Variants in LYST observed in about 807,000 individuals in gnomAD.
The protein encoded by LYST is lysosomal-trafficking regulator.
LYST carries 192 observed loss-of-function variants against 413.6 expected under a neutral mutation model. That is an observed-to-expected ratio of 0.46 (90% CI 0.41 to 0.52). LYST has a LOEUF of 0.52. LYST is among the 20% of genes least tolerant of loss of function. The pLI is 0.00. For synonymous variants in LYST, 1,525 were observed against 1,567.3 expected (o/e 0.97, Z 0.64); for missense variants, 3,815 against 4,499.9 (o/e 0.85, Z 4.35).
At chr1:235,793,418 T>G in intron 11 of LYST, 85 bp downstream of exon 11, 1 of 693,964 alleles carries the variant, frequency 1.4e-6, no homozygotes, top group Non-Finnish European at 2.5e-6. Flanking sequence ...TAGTAACATT[T>G]CTAAATAATT....
intron 3 of LYST, among the ~76,000 whole-genome samples, chr1:235,813,848 A>G (rs556163659): frequency 3.3e-5 from 5 of 152,318 alleles, no homozygotes; most frequent in African/African-American, 1.2e-4. Context: ...ATTTAACGAC[A>G]AATCAAGTTT....
At chr1:235,846,341 G>C (rs1357768860) in intron 1 of LYST, among the ~76,000 whole-genome samples, 2 of 152,068 alleles carry the variant, frequency 1.3e-5, no homozygotes, top group Non-Finnish European at 2.9e-5. Flanking sequence ...TACATCAAGG[G>C]AACACCCCGT....
chr1:235,733,026 A>G (rs1664510472), intron 34 of LYST, among the ~76,000 whole-genome samples: 1 of 152,160 alleles, frequency 6.6e-6, no homozygotes, highest in Non-Finnish European at 1.5e-5. Flanking sequence ...TCTACTTTAT[A>G]AACTTTTCGA....
intron 14 of LYST, chr1:235,786,954 G>A (rs899215583): frequency 2.8e-5 from 9 of 318,214 alleles, no homozygotes; most frequent in Admixed American, 8.2e-5. Flanking sequence ...TGTAAATGAC[G>A]AGTTAATGGG....
chr1:235,731,556 A>ATTTT (rs61633038), intron 34 of LYST, among the ~76,000 whole-genome samples: 8 of 121,442 alleles, frequency 6.6e-5, no homozygotes, highest in East Asian at 2.2e-4. Flanking sequence ...CCCATTTTGC[A>ATTTT]TTTTTTTTTT....
chr1:235,771,446 C>T (rs1455467370), intron 19 of LYST, among the ~76,000 whole-genome samples: 1 of 152,118 alleles, frequency 6.6e-6, no homozygotes, highest in African/African-American at 2.4e-5. Context: ...AAACTTTGTC[C>T]AACTTTGTCC....
chr1:235,768,831 A>G (rs1444026107), intron 20 of LYST, among the ~76,000 whole-genome samples: 2 of 152,120 alleles, frequency 1.3e-5, no homozygotes, highest in East Asian at 3.8e-4. Context: ...AATGATGCAT[A>G]AAACACTCAG....
chr1:235,754,107 T>C (rs1431049777), intron 25 of LYST, among the ~76,000 whole-genome samples: 1 of 151,990 alleles, frequency 6.6e-6, no homozygotes, highest in Non-Finnish European at 1.5e-5. Context: ...GAATTCTAGG[T>C]GAGGGATTTA....
At chr1:235,675,121 A>G (rs1250120959) in intron 50 of LYST, among the ~76,000 whole-genome samples, 3 of 152,210 alleles carry the variant, frequency 2.0e-5, no homozygotes, top group African/African-American at 7.2e-5. Flanking sequence ...TATAACATCA[A>G]AAGGGGGAAA....
Position 235,804,594 on chromosome 1 carries a change from T to C in LYST, c.3465A>G (p.Gln1155=), listed in dbSNP as rs142982293. ...HLSQSKVIET[Q]LAKPLFDALL... Reference sequence around the variant, plus strand: ...GGGCATCAAATAAAGGCTTTGCTAGTTGTGTTTCAATCACCTTTGACTGGG... The same window carrying C: ...GGGCATCAAATAAAGGCTTTGCTAGCTGTGTTTCAATCACCTTTGACTGGG... The change falls in exon 7 of 53, where the codon CAA becomes CAG. Residue 1155 remains glutamine (Q), a synonymous_variant. Transcript: ENST00000389793. 32 of 1,610,716 alleles carry C rather than the reference T, an allele frequency of 2.0e-5. No individual in the cohort carries two copies. Among genetic ancestry groups the C allele is most frequent in the Non-Finnish European group, 2.5e-5 (30 of 1,177,034 alleles).
chr1:235,732,481 C>T (rs778439877), intron 34 of LYST, among the ~76,000 whole-genome samples: 5 of 151,846 alleles, frequency 3.3e-5, no homozygotes, highest in Non-Finnish European at 5.9e-5. Flanking sequence ...TTCCATATTT[C>T]GAATATTTTC....
At chr1:235,864,069 G>A (rs1183099690) in intron 1 of LYST, among the ~76,000 whole-genome samples, 1 of 152,068 alleles carries the variant, frequency 6.6e-6, no homozygotes, top group Non-Finnish European at 1.5e-5. Context: ...GGCTTAGCCA[G>A]AATCCCCCTT....
chr1:235,857,704 T>TAC (rs145682413), intron 1 of LYST, among the ~76,000 whole-genome samples: 16 of 145,092 alleles, frequency 1.1e-4, no homozygotes, highest in African/African-American at 2.8e-4. Flanking sequence ...TGTATATATA[T>TAC]ACACACACAC....
At chr1:235,788,619 TTAG>T (rs1670675740) in intron 13 of LYST, 79 bp downstream of exon 13, 1 of 1,340,772 alleles carries the variant, frequency 7.5e-7, no homozygotes, top group Non-Finnish European at 1.1e-6. Flanking sequence ...TGAACTTTTA[TTAG>T]TAGATTTCAC....
At chr1:235,708,172 A>C (rs1038286321) in intron 44 of LYST, among the ~76,000 whole-genome samples, 2 of 152,176 alleles carry the variant, frequency 1.3e-5, no homozygotes, top group Non-Finnish European at 2.9e-5. Flanking sequence ...TTATTATATA[A>C]ATGGAATGAT....
chr1:235,827,180 A>G (rs1247976816), intron 3 of LYST, among the ~76,000 whole-genome samples: 3 of 150,232 alleles, frequency 2.0e-5, no homozygotes, highest in African/African-American at 4.9e-5. Context: ...CCTGGCCAAC[A>G]TGGCAAAACC....
intron 27 of LYST, among the ~76,000 whole-genome samples, chr1:235,751,786 T>C (rs909318934): frequency 6.6e-6 from 1 of 152,226 alleles, no homozygotes; most frequent in African/African-American, 2.4e-5. Flanking sequence ...CTTTCACTTA[T>C]GTATTGCCAA....
intron 45 of LYST, among the ~76,000 whole-genome samples, chr1:235,701,640 A>G (rs765698199): frequency 5.9e-5 from 9 of 152,192 alleles, no homozygotes; most frequent in East Asian, 5.8e-4. Context: ...CAATCAATCA[A>G]TCAATCAATC....
upstream of LYST, among the ~76,000 whole-genome samples, chr1:235,870,813 GTTAAA>G (rs1334136409): frequency 1.3e-5 from 2 of 152,192 alleles, no homozygotes; most frequent in African/African-American, 2.4e-5. Flanking sequence ...TGGATAAATA[GTTAAA>G]TTAAGAAAAT....
Sources: gnomAD v4.1 joint callset for allele counts (sites outside exome capture counted in the v4.1 genomes callset) on GRCh38, gnomAD v4.1.1 for gene constraint, MANE v1.5 for transcripts, NCBI Gene and HGNC (gene_info 2026-07-23, HGNC 2026-07-21) for gene names.